FARS2: variants seen among roughly 807,000 people sequenced by gnomAD.
The protein encoded by FARS2 is phenylalanyl-tRNA synthetase 2, mitochondrial, also known as phenylalanine--tRNA ligase, mitochondrial.
Under a neutral mutation model 46.4 loss-of-function variants are expected in FARS2, and 40 were observed. The ratio of observed to expected loss-of-function variants is 0.86; its 90% confidence interval spans 0.67 to 1.12. The LOEUF (loss-of-function observed/expected upper bound fraction) is 1.12, where lower values mean the gene tolerates loss of function less well. FARS2 is among the 50% of genes most tolerant of loss of function. FARS2 has a pLI of 0.00. For missense variants in FARS2, 513 were observed against 567.9 expected, an observed-to-expected ratio of 0.90 and a Z score of 0.98; for synonymous variants, 234 against 214.9, an observed-to-expected ratio of 1.09 and a Z score of -0.78.
At chr6:5,653,494 A>G (rs914524254) in intron 6 of FARS2, among the ~76,000 whole-genome samples, 46 of 152,370 alleles carry the variant, frequency 3.0e-4, no homozygotes, top group African/African-American at 1.1e-3. Context: ...AAGCAGGCTC[A>G]GCCCTTAGCT....
At chr6:5,745,599 C>T (rs1761590665) in intron 6 of FARS2, among the ~76,000 whole-genome samples, 1 of 152,196 alleles carries the variant, frequency 6.6e-6, no homozygotes, top group Admixed American at 6.5e-5. Context: ...AGTGCCACTG[C>T]ATGATCTTGA....
chr6:5,693,928 A>C (rs1757933185), intron 6 of FARS2, among the ~76,000 whole-genome samples: 1 of 152,224 alleles, frequency 6.6e-6, no homozygotes, highest in South Asian at 2.1e-4. Context: ...CTAGCCTCAG[A>C]AGTCACATAG....
chr6:5,469,843 G>A (rs1480681955), intron 4 of FARS2, among the ~76,000 whole-genome samples: 1 of 152,156 alleles, frequency 6.6e-6, no homozygotes, highest in Non-Finnish European at 1.5e-5. Context: ...TACTTTGTGG[G>A]TTTAGGATTT....
intron 4 of FARS2, among the ~76,000 whole-genome samples, chr6:5,519,844 A>G (rs1371770116): frequency 6.6e-6 from 1 of 152,224 alleles, no homozygotes; most frequent in Non-Finnish European, 1.5e-5. Flanking sequence ...GATCTTAATA[A>G]CAAGCTATAT....
intron 1 of FARS2, among the ~76,000 whole-genome samples, chr6:5,296,302 C>G (rs575406847): frequency 1.3e-5 from 2 of 151,836 alleles, no homozygotes; most frequent in African/African-American, 4.8e-5. Flanking sequence ...TCACCACGCC[C>G]AGCTAATTTT....
intron 4 of FARS2, among the ~76,000 whole-genome samples, chr6:5,530,974 A>G (rs1582369365): frequency 6.6e-6 from 1 of 150,896 alleles, no homozygotes; most frequent in Non-Finnish European, 1.5e-5. Flanking sequence ...ATAAATGTCA[A>G]TATAAATACA....
At chr6:5,345,601 A>T (rs4960079) in intron 1 of FARS2, among the ~76,000 whole-genome samples, 3,636 of 152,338 alleles carry the variant, frequency 0.024, 65 homozygotes, top group Non-Finnish European at 0.037. Flanking sequence ...GATGAGTGGT[A>T]AGAGATTTAG....
chr6:5,257,507 C>T (rs1380975671), upstream of FARS2, among the ~76,000 whole-genome samples: 1 of 152,236 alleles, frequency 6.6e-6, no homozygotes, highest in African/African-American at 2.4e-5. Flanking sequence ...CTTTCTCTCT[C>T]CAGGGCTTGG....
rs116276751 is a variant in FARS2 at position 5,634,737 on chromosome 6, C to G, written c.1217+21417C>G. Reference sequence around the variant, plus strand: ...TACTCTCATTTCAGAGCAGAGTAGCCCACGTGGCAATCCCCTAGTCCCTTT... The same window carrying G: ...TACTCTCATTTCAGAGCAGAGTAGCGCACGTGGCAATCCCCTAGTCCCTTT... On this transcript the variant is annotated intron_variant, in intron 6 of 6. Coordinates refer to ENST00000274680, the MANE Select transcript of FARS2 (RefSeq NM_006567.5). 3.9e-3 allele frequency among the ~76,000 whole-genome samples: 595 copies of G among 152,244 alleles called. 10 individuals are homozygous for G. Among genetic ancestry groups the G allele is most frequent in the African/African-American group, 0.013 (557 of 41,536 alleles).
At chr6:5,576,790 A>G (rs528194916) in intron 5 of FARS2, among the ~76,000 whole-genome samples, 149 of 152,000 alleles carry the variant, frequency 9.8e-4, no homozygotes, top group African/African-American at 3.5e-3. Context: ...GTAAATACCT[A>G]AATAAATAGA....
At chr6:5,596,423 A>T (rs934542673) in intron 5 of FARS2, among the ~76,000 whole-genome samples, 1 of 152,228 alleles carries the variant, frequency 6.6e-6, no homozygotes, top group African/African-American at 2.4e-5. Flanking sequence ...TTTTTGTCAT[A>T]TGTAGGTACC....
chr6:5,484,861 C>T (rs929420211), intron 4 of FARS2, among the ~76,000 whole-genome samples: 6 of 152,096 alleles, frequency 3.9e-5, no homozygotes, highest in African/African-American at 1.4e-4. Context: ...GCCAGGCAGA[C>T]GGGGGCACAG....
chr6:5,749,644 A>T (rs1761835965), intron 6 of FARS2, among the ~76,000 whole-genome samples: 1 of 152,218 alleles, frequency 6.6e-6, no homozygotes. Context: ...TTCAAGGTTC[A>T]TTCTCAGCCT....
At chr6:5,286,502 G>T (rs1275013859) in intron 1 of FARS2, among the ~76,000 whole-genome samples, 1 of 152,112 alleles carries the variant, frequency 6.6e-6, no homozygotes, top group Non-Finnish European at 1.5e-5. Context: ...GAAGTGATTT[G>T]CCTGCCTCGG....
intron 3 of FARS2, among the ~76,000 whole-genome samples, chr6:5,425,424 G>A (rs1467213016): frequency 6.6e-6 from 1 of 152,166 alleles, no homozygotes; most frequent in Non-Finnish European, 1.5e-5. Flanking sequence ...ACGAAGGTGG[G>A]ATGGAATGGA....
chr6:5,559,337 G>C (rs956739516), intron 5 of FARS2, among the ~76,000 whole-genome samples: 2 of 152,092 alleles, frequency 1.3e-5, no homozygotes, highest in Non-Finnish European at 2.9e-5. Flanking sequence ...CGGGGAGGTC[G>C]AGGCTGCAGT....
chr6:5,696,082 A>C (rs963508964), intron 6 of FARS2, among the ~76,000 whole-genome samples: 21 of 152,244 alleles, frequency 1.4e-4, no homozygotes, highest in African/African-American at 4.8e-4. Flanking sequence ...TCAAGCGTGC[A>C]GGACAACAGG....
chr6:5,290,644 C>T (rs2127512614), intron 1 of FARS2, among the ~76,000 whole-genome samples: 3 of 152,270 alleles, frequency 2.0e-5, no homozygotes, highest in Admixed American at 2.0e-4. Flanking sequence ...ATGAGCTCAA[C>T]CTTAGTTGGT....
At chr6:5,393,804 C>T (rs190237932) in intron 2 of FARS2, among the ~76,000 whole-genome samples, 26 of 152,340 alleles carry the variant, frequency 1.7e-4, no homozygotes, top group African/African-American at 5.5e-4. Flanking sequence ...GTCCTCCTTG[C>T]GTGAGGATGG....
Sources: allele counts gnomAD v4.1 joint callset (sites outside exome capture counted in the v4.1 genomes callset), GRCh38; gene constraint gnomAD v4.1.1; transcripts MANE v1.5; gene names NCBI Gene and HGNC (gene_info 2026-07-23, HGNC 2026-07-21).